The following SPEF2 variants were observed in gnomAD, a reference collection of about 807,000 sequenced individuals.
SPEF2 encodes sperm flagella and cilia-associated protein 2.
In SPEF2, 187 loss-of-function variants were observed where a neutral mutation model predicts 224.6. That is an observed-to-expected ratio of 0.83 (90% CI 0.74 to 0.94). The LOEUF is 0.94. SPEF2 is among the 40% of genes least tolerant of loss of function. SPEF2 has a pLI of 0.00. For synonymous variants in SPEF2, 715 were observed against 707.3 expected (o/e 1.01, Z -0.17); for missense variants, 2,170 against 2,135.6 (o/e 1.02, Z -0.32).
chr5:35,651,044 G>A (rs1214799803), intron 6 of SPEF2, among the ~76,000 whole-genome samples: 2 of 152,132 alleles, frequency 1.3e-5, no homozygotes, highest in African/African-American at 4.8e-5. Flanking sequence ...CTGGGACTCC[G>A]GCCACTTGGC....
chr5:35,734,766 C>T (rs1235647883), intron 21 of SPEF2, among the ~76,000 whole-genome samples: 2 of 134,100 alleles, frequency 1.5e-5, no homozygotes, highest in Non-Finnish European at 3.1e-5. Context: ...GGCTGGAGTA[C>T]ACTGCTGCAA....
intron 26 of SPEF2, among the ~76,000 whole-genome samples, chr5:35,771,287 A>C (rs1428812183): frequency 6.6e-6 from 1 of 152,154 alleles, no homozygotes; most frequent in African/African-American, 2.4e-5. Flanking sequence ...TCTGAGATTT[A>C]AAAGAAAGGA....
At chr5:35,692,966 T>G (rs1041748912) in intron 12 of SPEF2, among the ~76,000 whole-genome samples, 1 of 152,180 alleles carries the variant, frequency 6.6e-6, no homozygotes, top group African/African-American at 2.4e-5. Flanking sequence ...AGAAAACTCC[T>G]GCTTCCCACC....
chr5:35,808,301 C>T, intron 36 of SPEF2: 1 of 402,310 alleles, frequency 2.5e-6, no homozygotes, highest in Non-Finnish European at 3.4e-6. Context: ...GCACAACGTG[C>T]AGGTTTGTTA....
Position 35,779,191 on chromosome 5 carries a change from G to A in SPEF2, c.4292G>A (p.Ser1431Asn), listed in dbSNP as rs2149799235. The change falls in exon 30 of 37, where the codon AGC becomes AAC. Residue 1431 changes from serine to asparagine, a missense_variant. By Grantham distance (46) the Ser-to-Asn change is conservative. Transcript: ENST00000356031. Reference protein sequence around the residue: ...STKIQNELYLSQEDFFINGNI... With the variant: ...STKIQNELYLNQEDFFINGNI... ...AAAATTCAGAATGAACTTTATTTAA[G>A]CCAAGAAGACTTCTTCATTAATGGC... The A allele has an allele frequency of 6.2e-7, 1 of 1,613,818 alleles. No individual in the cohort carries two copies. Among genetic ancestry groups the A allele is most frequent in the Non-Finnish European group, 8.5e-7 (1 of 1,179,894 alleles).
intron 24 of SPEF2, among the ~76,000 whole-genome samples, chr5:35,756,075 T>G (rs766045379): frequency 6.6e-6 from 1 of 152,198 alleles, no homozygotes; most frequent in Non-Finnish European, 1.5e-5. Flanking sequence ...ACATGGAAAT[T>G]TCCATAAATA....
intron 20 of SPEF2, among the ~76,000 whole-genome samples, chr5:35,716,988 G>A (rs1252664050): frequency 6.6e-6 from 1 of 152,064 alleles, no homozygotes; most frequent in African/African-American, 2.4e-5. Flanking sequence ...ATGGTACTTA[G>A]AGTGTTCTTA....
At chr5:35,751,391 G>C (rs4458598) in intron 23 of SPEF2, among the ~76,000 whole-genome samples, 137,314 of 150,506 alleles carry the variant, frequency 0.91, 62,806 homozygotes, top group South Asian at 0.99. Context: ...GATGAGTACA[G>C]CAAAATCTCA....
rs1754390793 is a variant in SPEF2 at position 35,691,063 on chromosome 5, A to G, written c.1551A>G (p.Pro517=). 1.2e-6 allele frequency: 2 copies of G among 1,613,896 alleles called. No individual in the cohort carries two copies. The highest frequency in any genetic ancestry group is 3.3e-5 in the Admixed American group (2 of 59,988). The change falls in exon 11 of 37, where the codon CCA becomes CCG. Residue 517 remains proline (P), a synonymous_variant. Transcript: ENST00000356031. ...YKNMVGEWAL[P]EEMVDNLPPS... ...ACATGGTTGGAGAGTGGGCCTTACC[A>G]GAAGAAATGGTTGACAATTTACCAC...
chr5:35,733,721 G>C (rs1450777381), intron 21 of SPEF2, among the ~76,000 whole-genome samples: 1 of 151,932 alleles, frequency 6.6e-6, no homozygotes. Flanking sequence ...ATGTTTTTCA[G>C]CAAGAAAGTA....
At chr5:35,727,971 T>A in intron 21 of SPEF2, 148 bp downstream of exon 21, 1 of 769,214 alleles carries the variant, frequency 1.3e-6, no homozygotes, top group Non-Finnish European at 2.0e-6. Context: ...GACTACTCAA[T>A]GACCCATATC....
intron 7 of SPEF2, among the ~76,000 whole-genome samples, chr5:35,655,097 C>T (rs1748779240): frequency 2.6e-5 from 4 of 152,194 alleles, no homozygotes; most frequent in African/African-American, 4.8e-5. Context: ...TTAATGAAAA[C>T]AATGTGGAAA....
intron 20 of SPEF2, among the ~76,000 whole-genome samples, chr5:35,713,246 C>T (rs13153955): frequency 0.75 from 114,099 of 151,834 alleles, 43,216 homozygotes; most frequent in Middle Eastern, 0.83. Flanking sequence ...ATAAGCACTT[C>T]GGTAAAAAAT....
intron 1 of SPEF2, among the ~76,000 whole-genome samples, chr5:35,620,356 T>C (rs1220304468): frequency 1.3e-5 from 2 of 152,166 alleles, no homozygotes; most frequent in Non-Finnish European, 2.9e-5. Flanking sequence ...ACTTGGAGGT[T>C]AGACTGCTTG....
At chr5:35,701,584 G>T (rs1738651939) in intron 16 of SPEF2, among the ~76,000 whole-genome samples, 1 of 152,088 alleles carries the variant, frequency 6.6e-6, no homozygotes, top group Non-Finnish European at 1.5e-5. Flanking sequence ...TGGACCCTTG[G>T]GGGTACCTGA....
chr5:35,646,942 C>T, intron 5 of SPEF2, 135 bp downstream of exon 5: 1 of 945,832 alleles, frequency 1.1e-6, no homozygotes, highest in Non-Finnish European at 1.5e-6. Flanking sequence ...CTTTCTCATT[C>T]AGAATTCTTC....
At chr5:35,790,165 TG>T in intron 30 of SPEF2, 1 of 702,806 alleles carries the variant, frequency 1.4e-6, no homozygotes, top group Non-Finnish European at 2.6e-6. Flanking sequence ...TTTAGTCAGA[TG>T]AAATGGACCA....
At chr5:35,736,544 G>A (rs1174058635) in intron 21 of SPEF2, among the ~76,000 whole-genome samples, 2 of 152,062 alleles carry the variant, frequency 1.3e-5, no homozygotes, top group African/African-American at 4.8e-5. Context: ...TGTCACATGA[G>A]AACTAACTCA....
rs942068808 is a variant in SPEF2 at position 35,731,020 on chromosome 5, G to A, written c.3063+3197G>A. 7.2e-5 allele frequency among the ~76,000 whole-genome samples: 11 copies of A among 152,142 alleles called. No homozygotes were observed. In the East Asian group the frequency reaches 1.5e-3, roughly 21 times the overall value. On this transcript the variant is annotated intron_variant, in intron 21 of 36. Transcript: ENST00000356031. Reference sequence around the variant, plus strand: ...GAATTTAGTGAGTGTCTAGCCCATCGTAGGCACTTGAACATTGAAAGAATA... The same window carrying A: ...GAATTTAGTGAGTGTCTAGCCCATCATAGGCACTTGAACATTGAAAGAATA...
Sources: gnomAD v4.1 joint callset for allele counts (sites outside exome capture counted in the v4.1 genomes callset) on GRCh38, gnomAD v4.1.1 for gene constraint, MANE v1.5 for transcripts, NCBI Gene and HGNC (gene_info 2026-07-23, HGNC 2026-07-21) for gene names.